PPFIA2: variants seen among roughly 807,000 people sequenced by gnomAD.
The protein encoded by PPFIA2 is liprin-alpha-2.
In PPFIA2, 46 loss-of-function variants were observed where a neutral mutation model predicts 175.5. The observed-to-expected ratio is 0.26, with a 90% CI of 0.21 to 0.34. PPFIA2 has a LOEUF of 0.34. Among genes scored for constraint, PPFIA2 ranks in the 10% least tolerant of loss-of-function variants. The pLI, the probability that PPFIA2 is intolerant of heterozygous loss-of-function variation, is 1.00. For missense variants in PPFIA2, 1,179 were observed against 1,506.1 expected (o/e 0.78, Z 3.60); for synonymous variants, 568 against 511.4 (o/e 1.11, Z -1.49).
chr12:81,407,481 T>TTAAAATAAAA (rs10645878), intron 7 of PPFIA2, among the ~76,000 whole-genome samples: 19,727 of 130,496 alleles, frequency 0.15, 1,731 homozygotes, highest in African/African-American at 0.22. Context: ...AGACTCTGTC[T>TTAAAATAAAA]TAAAATAAAA....
intron 9 of PPFIA2, 73 bp from the exon 10 acceptor site, chr12:81,376,015 A>G: frequency 7.4e-7 from 1 of 1,360,492 alleles, no homozygotes; most frequent in South Asian, 1.3e-5. Flanking sequence ...TTAGTTAAAT[A>G]AAAAAGAAAC....
chr12:81,396,637 C>T (rs932358508), intron 8 of PPFIA2, among the ~76,000 whole-genome samples: 8 of 152,030 alleles, frequency 5.3e-5, no homozygotes, highest in African/African-American at 1.9e-4. Flanking sequence ...TAAAACATCA[C>T]TCTTGTATCA....
At chr12:81,621,088 G>A (rs930682608) in intron 4 of PPFIA2, among the ~76,000 whole-genome samples, 1 of 152,194 alleles carries the variant, frequency 6.6e-6, no homozygotes, top group South Asian at 2.1e-4. Flanking sequence ...GAAAATCAGA[G>A]AGAAGGAGTA....
At chr12:81,322,844 TG>T (rs2053956429) in intron 22 of PPFIA2, among the ~76,000 whole-genome samples, 1 of 152,184 alleles carries the variant, frequency 6.6e-6, no homozygotes, top group Admixed American at 6.5e-5. Context: ...TCAATATTGT[TG>T]ATTTCCTATT....
chr12:81,742,942 G>A (rs762096149), intron 3 of PPFIA2, among the ~76,000 whole-genome samples: 19 of 152,130 alleles, frequency 1.2e-4, no homozygotes, highest in South Asian at 4.1e-4. Context: ...AGAAGTGACC[G>A]TTGCATTTAG....
chr12:81,581,727 AAAACGAACAAAC>A (rs1238568546), intron 4 of PPFIA2, among the ~76,000 whole-genome samples: 3 of 26,568 alleles, frequency 1.1e-4, no homozygotes, highest in African/African-American at 4.2e-4. Context: ...AAAACAAAAC[AAAACGAACAAAC>A]AAACAAACAA....
At chr12:81,351,708 G>A (rs1426001326) in intron 17 of PPFIA2, among the ~76,000 whole-genome samples, 2 of 149,854 alleles carry the variant, frequency 1.3e-5, no homozygotes, top group Non-Finnish European at 3.0e-5. Context: ...GACCACCCTG[G>A]GCAAGGGAGA....
rs190764861 is a variant in PPFIA2 at position 81,690,613 on chromosome 12, G to A, written c.250-13769C>T. ...AGGACTGCTAGAAAAGTAAAGCAAC[G>A]TGGCCCATGGGTAAACTACTAAATT... is the stretch of plus-strand genomic sequence containing the variant. On this transcript the variant is annotated intron_variant, in intron 3 of 32. Coordinates refer to ENST00000549396, the MANE Select transcript of PPFIA2 (RefSeq NM_003625.5). Among the ~76,000 whole-genome samples, 30 of 152,140 alleles carry A rather than the reference G, an allele frequency of 2.0e-4. No individual in the cohort carries two copies. The East Asian group carries it at 5.8e-3, about 30-fold the overall frequency.
chr12:81,599,392 ATCC>A (rs1490776583), intron 4 of PPFIA2, among the ~76,000 whole-genome samples: 2 of 152,056 alleles, frequency 1.3e-5, no homozygotes, highest in Non-Finnish European at 2.9e-5. Context: ...CAGAAAAGTG[ATCC>A]TCAATTCTTT....
At chr12:81,351,119 C>G (rs2059926705) in intron 17 of PPFIA2, among the ~76,000 whole-genome samples, 1 of 152,074 alleles carries the variant, frequency 6.6e-6, no homozygotes, top group Non-Finnish European at 1.5e-5. Context: ...GCCAACATTT[C>G]TCAATATTTG....
At chr12:81,575,178 T>C (rs1226220679) in intron 4 of PPFIA2, among the ~76,000 whole-genome samples, 2 of 151,824 alleles carry the variant, frequency 1.3e-5, no homozygotes, top group African/African-American at 2.4e-5. Flanking sequence ...CGTTTAATCA[T>C]TACTTTTCAA....
intron 8 of PPFIA2, among the ~76,000 whole-genome samples, chr12:81,398,292 G>A (rs778370415): frequency 6.6e-6 from 1 of 152,064 alleles, no homozygotes; most frequent in Non-Finnish European, 1.5e-5. Flanking sequence ...ATTACACATG[G>A]TGTAACAAAG....
intron 8 of PPFIA2, among the ~76,000 whole-genome samples, chr12:81,389,405 C>T (rs967423434): frequency 3.6e-4 from 55 of 151,682 alleles, no homozygotes; most frequent in African/African-American, 1.1e-3. Context: ...TAAAATAAAA[C>T]GCTTTTAAAA....
intron 3 of PPFIA2, among the ~76,000 whole-genome samples, chr12:81,730,716 G>A (rs1389417303): frequency 4.6e-5 from 7 of 151,500 alleles, no homozygotes; most frequent in African/African-American, 9.7e-5. Flanking sequence ...AACTAACCTT[G>A]ATATGTCTGC....
chr12:81,295,015 C>T lies in PPFIA2; in HGVS notation c.2745G>A (p.Ala915=), dbSNP rs376356533. Residue 915 remains alanine (A), a synonymous_variant, in exon 24 of 33, where the codon GCG becomes GCA. Coordinates refer to ENST00000549396, the MANE Select transcript of PPFIA2 (RefSeq NM_003625.5). ...TGGCTCGGCAGGCTGCCACGTACCA[C>T]GCAGGCATTCCCAACCAAAGCTGTT... ...AWLELWLGMP[A]WYVAACRANV... 49 of 1,613,402 alleles carry T rather than the reference C, an allele frequency of 3.0e-5. No individual in the cohort carries two copies. The highest frequency in any genetic ancestry group is 1.3e-4 in the African/African-American group (10 of 75,000).
intron 4 of PPFIA2, among the ~76,000 whole-genome samples, chr12:81,462,744 T>C (rs1522327): frequency 0.094 from 14,218 of 151,462 alleles, 813 homozygotes; most frequent in Middle Eastern, 0.16. Context: ...TGAAGCTCAC[T>C]ATTATGAAAG....
intron 18 of PPFIA2, among the ~76,000 whole-genome samples, chr12:81,346,747 T>C (rs1427450733): frequency 2.0e-5 from 3 of 151,736 alleles, no homozygotes; most frequent in Non-Finnish European, 4.4e-5. Flanking sequence ...TGCAAGAAAT[T>C]TATGTTATAT....
intron 17 of PPFIA2, among the ~76,000 whole-genome samples, chr12:81,348,334 T>C (rs1415194093): frequency 6.6e-6 from 1 of 152,200 alleles, no homozygotes; most frequent in Non-Finnish European, 1.5e-5. Context: ...CTTTTCTTAA[T>C]ATTAATACTT....
chr12:81,402,872 TG>T (rs1204250756), intron 8 of PPFIA2, among the ~76,000 whole-genome samples: 7 of 152,108 alleles, frequency 4.6e-5, no homozygotes, highest in Admixed American at 4.6e-4. Context: ...TTTAAAAATG[TG>T]GCATAAATAA....
Sources: gnomAD v4.1 joint callset for allele counts (sites outside exome capture counted in the v4.1 genomes callset) on GRCh38, gnomAD v4.1.1 for gene constraint, MANE v1.5 for transcripts, NCBI Gene and HGNC (gene_info 2026-07-23, HGNC 2026-07-21) for gene names.